The following GDF1 variants were observed in gnomAD, a reference collection of about 807,000 sequenced individuals.
The protein encoded by GDF1 is embryonic growth/differentiation factor 1.
GDF1 carries 8 observed loss-of-function variants against 7.4 expected under a neutral mutation model. That is an observed-to-expected ratio of 1.09 (90% CI 0.64 to 1.96). GDF1 has a LOEUF of 1.96. GDF1 is among the 30% of genes most tolerant of loss of function. The probability of loss-of-function intolerance (pLI) is 0.00; values close to 1 mark genes in which losing one functional copy is unlikely to be tolerated. For synonymous variants in GDF1, 311 were observed against 276.7 expected (o/e 1.12, Z -1.23); for missense variants, 574 against 551.5 (o/e 1.04, Z -0.41).
chr19:18,869,208 C>G lies in GDF1; in HGVS notation c.508G>C (p.Ala170Pro). Residue 170 changes from alanine to proline, a missense_variant, in exon 8 of 8, where the codon GCG becomes CCG. Transcript: ENST00000247005. ...EGGWELSVAQAGQGAGADPGP... is the reference protein window; with the variant it reads ...EGGWELSVAQPGQGAGADPGP... ...GGGTCCGCGCCCGCGCCCTGGCCCG[C>G]TTGCGCCACGCTCAGCTCCCAGCCG... 1 of 1,282,962 alleles carries G rather than the reference C, an allele frequency of 7.8e-7. No individual in the cohort carries two copies. The allele number at this position is 1,282,962 out of a possible 1,614,324, so 79.5% of individuals were successfully genotyped here. A position where few individuals can be genotyped will look rare whatever the true frequency, so the allele number is the denominator to read the frequency against.
Position 18,869,968 on chromosome 19 carries a change from G to A in GDF1, c.325+15C>T, listed in dbSNP as rs1253618613. The A allele has an allele frequency of 6.4e-6, 10 of 1,574,464 alleles. No individual in the cohort carries two copies. The highest frequency in any genetic ancestry group is 8.6e-6 in the Non-Finnish European group (10 of 1,161,800). ...GGCCTCCAGGACCAGTGTCCCCAGC[G>A]AAAGCCCCACTCACCGCGGTCCGGG... is the stretch of plus-strand genomic sequence containing the variant. On this transcript the variant is annotated intron_variant, in intron 7 of 7. Transcript: ENST00000247005.
intron 4 of GDF1, among the ~76,000 whole-genome samples, chr19:18,879,740 C>T (rs2056153164): frequency 6.7e-6 from 1 of 148,166 alleles, no homozygotes; most frequent in African/African-American, 2.5e-5. Flanking sequence ...CCTGCCAGGC[C>T]CCACCCACCT....
intron 2 of GDF1, among the ~76,000 whole-genome samples, chr19:18,892,969 T>A (rs942268791): frequency 1.3e-5 from 2 of 151,978 alleles, no homozygotes. Flanking sequence ...CAGGCTGGAG[T>A]GCAGTGGCGC....
At chr19:18,876,687 AC>A (rs1473890684) in intron 6 of GDF1, among the ~76,000 whole-genome samples, 1 of 152,060 alleles carries the variant, frequency 6.6e-6, no homozygotes, top group Non-Finnish European at 1.5e-5. Context: ...GCCTGGCCAA[AC>A]TTTTTTATTT....
At chr19:18,886,164 G>A (rs1315130739) in intron 2 of GDF1, among the ~76,000 whole-genome samples, 1 of 150,646 alleles carries the variant, frequency 6.6e-6, no homozygotes, top group Non-Finnish European at 1.5e-5. Context: ...CCAGCATTTT[G>A]AGAGGCCGAG....
In GDF1 at chr19:18,869,217, C is replaced by A; in HGVS notation, c.499G>T (p.Val167Leu). ...AAPEGGWELS[V>L]AQAGQGAGAD... Reference sequence around the variant, plus strand: ...CCCGCGCCCTGGCCCGCTTGCGCCACGCTCAGCTCCCAGCCGCCCTCCGGG... The same window carrying A: ...CCCGCGCCCTGGCCCGCTTGCGCCAAGCTCAGCTCCCAGCCGCCCTCCGGG... The change falls in exon 8 of 8, where the codon GTG becomes TTG. Residue 167 changes from valine (V) to leucine (L), a missense_variant. Val to Leu is a conservative substitution (Grantham distance 32). Transcript: ENST00000247005. 5.3e-6 allele frequency: 7 copies of A among 1,326,472 alleles called. No individual in the cohort carries two copies. Among genetic ancestry groups the A allele is most frequent in the Non-Finnish European group, 6.7e-6 (7 of 1,046,014 alleles). 82.2% of individuals were successfully genotyped at this position (1,326,472 alleles called of 1,614,324 possible).
intron 2 of GDF1, among the ~76,000 whole-genome samples, chr19:18,886,609 G>A (rs929849501): frequency 6.6e-6 from 1 of 152,128 alleles, no homozygotes; most frequent in Non-Finnish European, 1.5e-5. Flanking sequence ...GCCATGCTGT[G>A]CTCTGCCCAC....
chr19:18,889,153 A>G (rs1214270599), intron 2 of GDF1, among the ~76,000 whole-genome samples: 1 of 151,752 alleles, frequency 6.6e-6, no homozygotes, highest in Non-Finnish European at 1.5e-5. Context: ...CAGCCTCCCA[A>G]AATGCTAGGA....
intron 2 of GDF1, among the ~76,000 whole-genome samples, chr19:18,889,095 T>C (rs2056433318): frequency 6.6e-6 from 1 of 151,906 alleles, no homozygotes; most frequent in African/African-American, 2.4e-5. Context: ...TTTCACCATG[T>C]TGGCCAGGCT....
chr19:18,873,665 C>T (rs947501519), intron 6 of GDF1, among the ~76,000 whole-genome samples: 2 of 151,656 alleles, frequency 1.3e-5, no homozygotes, highest in African/African-American at 2.4e-5. Context: ...ATTGTGAAAC[C>T]TCATCTCTAC....
At chr19:18,893,063 C>CCTG (rs1172339793) in intron 2 of GDF1, among the ~76,000 whole-genome samples, 5 of 151,132 alleles carry the variant, frequency 3.3e-5, no homozygotes, top group Admixed American at 2.6e-4. Flanking sequence ...ATTACAGGCG[C>CCTG]CCACCACACC....
At position 18,895,042 on chromosome 19, in the gene GDF1, G is replaced by A. The variant is rs1166552400; in HGVS notation, c.-1074+782C>T. Among the ~76,000 whole-genome samples, 1 of 152,224 alleles carries A rather than the reference G, an allele frequency of 6.6e-6. No individual in the cohort carries two copies. The highest frequency in any genetic ancestry group is 2.4e-5 in the African/African-American group (1 of 41,464). On this transcript the variant is annotated intron_variant, in intron 1 of 7. Transcript: ENST00000247005. The surrounding 1 kb of genome is among the most constrained non-coding windows in gnomAD (Gnocchi z 6.4). ...ACCATCATGGTCACTCTCTCGCAGG[G>A]GCGATGGTCTCCGCAGAAACTGGGG... is the stretch of plus-strand genomic sequence containing the variant.
chr19:18,869,492 C>T (rs1437691303), intron 7 of GDF1, 102 bp from the exon 8 acceptor site: 2 of 1,393,718 alleles, frequency 1.4e-6, no homozygotes, highest in East Asian at 3.1e-5. Flanking sequence ...GGGCTCGGGG[C>T]GCACCGTCTG....
At chr19:18,872,800 C>T (rs773584553) in intron 6 of GDF1, among the ~76,000 whole-genome samples, 27 of 151,982 alleles carry the variant, frequency 1.8e-4, no homozygotes, top group Admixed American at 8.5e-4. Flanking sequence ...CAGGCGTGAG[C>T]GCCGCGCCTG....
Position 18,869,839 on chromosome 19 carries a change from G to C in GDF1, c.325+144C>G. On this transcript the variant is annotated intron_variant, in intron 7 of 7. Coordinates refer to ENST00000247005, the MANE Select transcript of GDF1 (RefSeq NM_001492.6). ...GCAGCAGATGACGAGGAAAGGGTGAGGTGCGGTGGCCGAAGTTGCTAGTAG... is the reference window on the plus strand; with the variant it reads ...GCAGCAGATGACGAGGAAAGGGTGACGTGCGGTGGCCGAAGTTGCTAGTAG... 4 of 755,488 alleles carry C rather than the reference G, an allele frequency of 5.3e-6. No individual in the cohort carries two copies. In the South Asian group the frequency reaches 6.2e-5, roughly 12 times the overall value. 46.8% of individuals were successfully genotyped at this position (755,488 alleles called of 1,614,324 possible).
chr19:18,872,930 G>C (rs896630195), intron 6 of GDF1, among the ~76,000 whole-genome samples: 2 of 152,324 alleles, frequency 1.3e-5, no homozygotes, highest in East Asian at 3.9e-4. Context: ...ATTTATGGGC[G>C]TGAGCCACCA....
Position 18,893,594 on chromosome 19 carries a change from G to C in GDF1, c.-1073-19C>G, listed in dbSNP as rs747151213. The C allele has an allele frequency of 5.0e-6, 8 of 1,597,298 alleles. No homozygotes were observed. The East Asian group carries it at 1.6e-4, about 32-fold the overall frequency. On this transcript the variant is annotated intron_variant, in intron 1 of 7. Coordinates refer to ENST00000247005, the MANE Select transcript of GDF1 (RefSeq NM_001492.6). ...CCAGGGGCTATGGGGGAGAAGACAG[G>C]CGGGCAGCCATTGGTGCTGGGGGCC...
chr19:18,873,630 G>A (rs943088954), intron 6 of GDF1, among the ~76,000 whole-genome samples: 1 of 151,960 alleles, frequency 6.6e-6, no homozygotes, highest in Non-Finnish European at 1.5e-5. Flanking sequence ...CTGAGGTCAG[G>A]TGTTCAAGAC....
At chr19:18,869,799 A>T (rs1301990384) in intron 7 of GDF1, among the ~76,000 whole-genome samples, 184 bp downstream of exon 7, 1 of 152,060 alleles carries the variant, frequency 6.6e-6, no homozygotes, top group East Asian at 1.9e-4. Flanking sequence ...ACCCCCTGAC[A>T]TGTGTCCCCG....
Sources: gnomAD v4.1 joint callset for allele counts (sites outside exome capture counted in the v4.1 genomes callset) on GRCh38, gnomAD v4.1.1 for gene constraint, Gnocchi (gnomAD v3.1) non-coding constraint, MANE v1.5 for transcripts, NCBI Gene and HGNC (gene_info 2026-07-23, HGNC 2026-07-21) for gene names.